Variants in HAP1 observed in about 807,000 individuals in gnomAD.
The protein encoded by HAP1 is huntingtin associated protein 1.
HAP1 carries 59 observed loss-of-function variants against 60.3 expected under a neutral mutation model. The ratio of observed to expected loss-of-function variants is 0.98; its 90% CI spans 0.79 to 1.22. HAP1 has a LOEUF of 1.22. Among genes scored for constraint, HAP1 ranks in the 50% most tolerant of loss-of-function variants. The pLI is 0.00. For synonymous variants in HAP1, 346 were observed against 330.6 expected (o/e 1.05, Z -0.50); for missense variants, 825 against 785.3 (o/e 1.05, Z -0.60).
chr17:41,732,881 C>T (rs1298664734), intron 1 of HAP1, 83 bp from the exon 2 acceptor site: 5 of 816,792 alleles, frequency 6.1e-6, no homozygotes, highest in Non-Finnish European at 1.1e-5. Flanking sequence ...AGCTGTTTCC[C>T]GTCCTATCGT....
At position 41,727,044 on chromosome 17, in the gene HAP1, G is replaced by A; in HGVS notation, c.1367+9C>T. On this transcript the variant is annotated intron_variant, in intron 9 of 10. Transcript: ENST00000347901. ...GCCTATGGGGCAAGGGAGGGCCCCA[G>A]CCACGCACCTCTCCATAAAATACAC... 1.4e-6 allele frequency: 2 copies of A among 1,451,132 alleles called. No homozygotes were observed. The highest frequency in any genetic ancestry group is 1.9e-6 in the Non-Finnish European group (2 of 1,048,692). The allele number at this position is 1,451,132 out of a possible 1,614,324, so 89.9% of individuals were successfully genotyped here.
At chr17:41,734,646 C>G (rs554397802), upstream of HAP1, 248 of 1,469,712 alleles carry the variant, frequency 1.7e-4, no homozygotes, top group African/African-American at 1.5e-3. Context: ...TCGAGTCTGC[C>G]GTCCGCTGCT....
chr17:41,732,452 C>A (rs1446082934), intron 2 of HAP1, 58 bp from the exon 3 acceptor site: 5 of 1,559,498 alleles, frequency 3.2e-6, no homozygotes, highest in African/African-American at 1.4e-5. Flanking sequence ...CTTCCCCATC[C>A]CCTAGTTCTC....
Position 41,734,361 on chromosome 17 carries a change from C to G in HAP1, c.274G>C (p.Asp92His), listed in dbSNP as rs1555592024. ...RPSAFSAIQG[D>H]VRSMPDNSDA... Reference sequence around the variant, plus strand: ...GAATTGTCGGGCATAGACCGGACATCCCCTTGGATGGCCGAGAATGCGGAC... The same window carrying G: ...GAATTGTCGGGCATAGACCGGACATGCCCTTGGATGGCCGAGAATGCGGAC... The change falls in exon 1 of 11, where the codon GAT (aspartate) becomes CAT (histidine). Residue 92 changes from aspartate to histidine, a missense_variant. Transcript: ENST00000347901. The G allele has an allele frequency of 2.5e-6, 4 of 1,607,482 alleles. No homozygotes were observed. The highest frequency in any genetic ancestry group is 3.4e-6 in the Non-Finnish European group (4 of 1,175,750).
chr17:41,717,812 C>A, downstream of HAP1: 1 of 314,156 alleles, frequency 3.2e-6, no homozygotes. Flanking sequence ...GTCCCTCCTC[C>A]CTTCTGTATC....
chr17:41,733,054 G>GTTTTTTTTTTTTTTTTTTGTT (rs71155166), intron 1 of HAP1, among the ~76,000 whole-genome samples: 7 of 99,074 alleles, frequency 7.1e-5, no homozygotes, highest in South Asian at 3.6e-4. Flanking sequence ...TTTTTTTTTG[G>GTTTTTTTTTTTTTTTTTTGTT]TTTTTTTTTT....
chr17:41,724,502 C>A lies in HAP1; in HGVS notation c.*199G>T. Reference sequence around the variant, plus strand: ...CACAGTCCCAGCCCTAACCCCCAGCCCAGCCCCCAGGAGAAAAGTGGATGG... The same window carrying A: ...CACAGTCCCAGCCCTAACCCCCAGCACAGCCCCCAGGAGAAAAGTGGATGG... On this transcript the variant is annotated 3_prime_UTR_variant, in exon 11 of 11. Coordinates refer to ENST00000347901, the MANE Select transcript of HAP1 (RefSeq NM_177977.3). The A allele has an allele frequency of 1.7e-6, 1 of 590,588 alleles. No individual in the cohort carries two copies. 36.6% of individuals were successfully genotyped at this position (590,588 alleles called of 1,614,324 possible).
At chr17:41,727,307 G>A (rs33914436) in intron 8 of HAP1, 163 bp from the exon 9 acceptor site, 331,754 of 780,308 alleles carry the variant, frequency 0.43, 76,234 homozygotes, top group East Asian at 0.65. Flanking sequence ...CCAGAGGCAC[G>A]CTGTATGGGT....
chr17:41,731,871 C>G, intron 4 of HAP1, 66 bp downstream of exon 4: 1 of 819,792 alleles, frequency 1.2e-6, no homozygotes, highest in Non-Finnish European at 2.1e-6. Flanking sequence ...CACCTGTGTC[C>G]CTCTTAACAA....
At chr17:41,727,196 C>T (rs782291160) in intron 8 of HAP1, 52 bp from the exon 9 acceptor site, 4 of 954,528 alleles carry the variant, frequency 4.2e-6, no homozygotes, top group Admixed American at 3.4e-5. Flanking sequence ...AACCCCCACC[C>T]ATAGGCTCAG....
Position 41,734,216 on chromosome 17 carries a change from G to C in HAP1, c.419C>G (p.Pro140Arg). ...GGCGCGCTCAGGGCCGGACACCCCG[G>C]GTCGCCGGCCAACGTAGGCGGCTGG... The part of the protein sequence containing the change: ...KTPAAYVGRR[P>R]GVSGPERAAF... The change falls in exon 1 of 11, where the codon CCC becomes CGC. Residue 140 changes from proline (P) to arginine (R), a missense_variant. Transcript: ENST00000347901. 1.3e-6 allele frequency: 2 copies of C among 1,599,176 alleles called. No homozygotes were observed. The highest frequency in any genetic ancestry group is 8.6e-7 in the Non-Finnish European group (1 of 1,169,384).
At position 41,727,110 on chromosome 17, in the gene HAP1, T is replaced by A; in HGVS notation, c.1310A>T (p.Glu437Val). The A allele has an allele frequency of 6.3e-7, 1 of 1,594,500 alleles. No individual in the cohort carries two copies. The highest frequency in any genetic ancestry group is 8.6e-7 in the Non-Finnish European group (1 of 1,165,868). The change falls in exon 9 of 11, where the codon GAG becomes GTG. Residue 437 changes from glutamate (E) to valine (V), a missense_variant. Transcript: ENST00000347901. ...CCTCCTTAGAGACGTTCTGAGCTCC[T>A]CAGCCAGCGTCTCCTGGAAACCAGG... ...TLPGFQETLA[E>V]ELRTSLRRMI...
intron 6 of HAP1, among the ~76,000 whole-genome samples, chr17:41,730,938 T>G (rs1912147415): frequency 6.7e-6 from 1 of 148,342 alleles, no homozygotes; most frequent in African/African-American, 2.5e-5. Flanking sequence ...TGAGATGGAG[T>G]CTTGCTCTGT....
rs782607105 is a variant in HAP1 at position 41,732,599 on chromosome 17, T to C, written c.549+120A>G. ...ACATCCCACATCGACCTGTCTTCCA[T>C]AAGAAGGACCCTAACCTGGGGCCCC... On this transcript the variant is annotated intron_variant, in intron 2 of 10. Transcript: ENST00000347901. The C allele has an allele frequency of 2.5e-4, 247 of 1,006,750 alleles. 1 individual carries two copies. In the Admixed American group the frequency reaches 4.2e-3, roughly 17 times the overall value. 62.4% of individuals were successfully genotyped at this position (1,006,750 alleles called of 1,614,324 possible).
chr17:41,727,714 G>T, intron 8 of HAP1, 48 bp downstream of exon 8: 4 of 1,309,748 alleles, frequency 3.1e-6, no homozygotes, highest in South Asian at 2.4e-5. Flanking sequence ...CCCCACTCTG[G>T]GCCAGCGGCT....
intron 6 of HAP1, among the ~76,000 whole-genome samples, chr17:41,729,463 T>A (rs1427127880): frequency 6.7e-5 from 9 of 133,602 alleles, no homozygotes; most frequent in Non-Finnish European, 1.2e-4. Flanking sequence ...GGCAGGAGAA[T>A]CGCTTAAACT....
downstream of HAP1, chr17:41,718,291 C>T (rs563048793): frequency 2.4e-5 from 5 of 211,328 alleles, no homozygotes; most frequent in South Asian, 3.6e-4. Flanking sequence ...CATTTGTAGG[C>T]AAGATAAAGG....
rs753203067 is a variant in HAP1 at position 41,732,259 on chromosome 17, C to G, written c.685G>C (p.Glu229Gln). 22 of 1,614,026 alleles carry G rather than the reference C, an allele frequency of 1.4e-5. No homozygotes were observed. The highest frequency in any genetic ancestry group is 1.7e-5 in the Non-Finnish European group (20 of 1,180,026). Reference sequence around the variant, plus strand: ...TCCTTGGCTGAGCCCAGCAGGGCTTCCAGCTTGCTGTTCTCCTCCATCAAA... The same window carrying G: ...TCCTTGGCTGAGCCCAGCAGGGCTTGCAGCTTGCTGTTCTCCTCCATCAAA... ...SVLMEENSKLEALLGSAKEEI... is the reference protein window; with the variant it reads ...SVLMEENSKLQALLGSAKEEI... The change falls in exon 3 of 11, where the codon GAA (glutamate) becomes CAA (glutamine). Residue 229 changes from glutamate (E) to glutamine (Q), a missense_variant. Coordinates refer to ENST00000347901, the MANE Select transcript of HAP1 (RefSeq NM_177977.3).
At position 41,727,840 on chromosome 17, in the gene HAP1, G is replaced by A. The variant is rs554936057; in HGVS notation, c.1201-4C>T. On this transcript the variant is annotated splice_region_variant and splice_polypyrimidine_tract_variant and intron_variant, in intron 7 of 10. Coordinates refer to ENST00000347901, the MANE Select transcript of HAP1 (RefSeq NM_177977.3). ...ACTTTTCAGTCTCAGCCCCATACTG[G>A]AAGGACCCAAAACCAGTGAACCCCC... is the stretch of plus-strand genomic sequence containing the variant. 49 of 1,581,022 alleles carry A rather than the reference G, an allele frequency of 3.1e-5. No homozygotes were observed. Among genetic ancestry groups the A allele is most frequent in the East Asian group, 2.9e-4 (13 of 44,748 alleles).
Sources: gnomAD v4.1 joint callset for allele counts (sites outside exome capture counted in the v4.1 genomes callset) on GRCh38, gnomAD v4.1.1 for gene constraint, MANE v1.5 for transcripts, NCBI Gene and HGNC (gene_info 2026-07-23, HGNC 2026-07-21) for gene names.